Variants in CYP7B1 observed in about 807,000 individuals in gnomAD.
CYP7B1 encodes cytochrome P450 7B1.
Under a neutral mutation model 42.7 loss-of-function variants are expected in CYP7B1, and 29 were observed. That is an observed-to-expected ratio of 0.68 (90% CI 0.51 to 0.93). The LOEUF (loss-of-function observed/expected upper bound fraction) is 0.93, where lower values mean the gene tolerates loss of function less well. Ranked by LOEUF, CYP7B1 falls within the 40% of genes least tolerant of loss-of-function variation. The pLI is 0.00. For missense variants in CYP7B1, 655 were observed against 600.5 expected, an observed-to-expected ratio of 1.09 and a Z score of -0.95; for synonymous variants, 235 against 218.2, an observed-to-expected ratio of 1.08 and a Z score of -0.68.
At chr8:64,780,354 G>T (rs1045104615) in intron 1 of CYP7B1, among the ~76,000 whole-genome samples, 14 of 152,050 alleles carry the variant, frequency 9.2e-5, no homozygotes, top group African/African-American at 3.4e-4. Context: ...TAAAACTAAA[G>T]TAAAGCTTCT....
At position 64,595,182 on chromosome 8, in the gene CYP7B1, A is replaced by AAAGACACCCT. The variant is rs532098294; in HGVS notation, c.*1450_*1459dup. Among the ~76,000 whole-genome samples the AAAGACACCCT allele has an allele frequency of 8.1e-3, 1,236 of 152,332 alleles. 11 individuals carry two copies. The highest frequency in any genetic ancestry group is 0.014 in the Non-Finnish European group (930 of 68,028). ...ATCTTTCAAGAAGGAGAGTAAAAAT[A>AAAGACACCCT]AAGACACCCTAAATCAAGCAAAAAT... On this transcript the variant is annotated 3_prime_UTR_variant, in exon 6 of 6. Transcript: ENST00000310193.
At chr8:64,680,723 A>T (rs557694633) in intron 1 of CYP7B1, among the ~76,000 whole-genome samples, 5 of 152,334 alleles carry the variant, frequency 3.3e-5, no homozygotes, top group Non-Finnish European at 1.5e-5. Context: ...GATCCTGATG[A>T]TTATATGCTT....
intron 1 of CYP7B1, among the ~76,000 whole-genome samples, chr8:64,747,889 G>A (rs1807668509): frequency 6.6e-6 from 1 of 151,996 alleles, no homozygotes; most frequent in Non-Finnish European, 1.5e-5. Context: ...ACAACATAGA[G>A]CAGAAGAAAG....
At chr8:64,722,030 G>A (rs1311131331) in intron 1 of CYP7B1, among the ~76,000 whole-genome samples, 1 of 152,114 alleles carries the variant, frequency 6.6e-6, no homozygotes, top group Non-Finnish European at 1.5e-5. Context: ...CATAACAGGA[G>A]CACACAATGC....
intron 5 of CYP7B1, among the ~76,000 whole-genome samples, chr8:64,600,568 T>C (rs543096305): frequency 6.6e-6 from 1 of 152,184 alleles, no homozygotes; most frequent in African/African-American, 2.4e-5. Flanking sequence ...CTTAGCAAGA[T>C]GGCAGAGTAC....
chr8:64,649,085 G>A (rs1194969102), intron 1 of CYP7B1, among the ~76,000 whole-genome samples: 1 of 152,020 alleles, frequency 6.6e-6, no homozygotes. Flanking sequence ...TCTCTAGAAC[G>A]GTTTTCATCT....
rs1585914380 is a variant in CYP7B1, at chr8:64,786,559, C to T, written c.122+11907G>A. ...CCTTCCATGGCCTTGGGCAGCTCCA[C>T]TCCTGTGGCTTTGCAGGGTACAGCC... On this transcript the variant is annotated intron_variant, in intron 1 of 5. Transcript: ENST00000310193. Among the ~76,000 whole-genome samples the T allele has an allele frequency of 2.0e-5, 3 of 152,312 alleles. 1 individual carries two copies. The highest frequency in any genetic ancestry group is 2.0e-4 in the Admixed American group (3 of 15,300).
At chr8:64,667,017 T>C (rs1455982522) in intron 1 of CYP7B1, among the ~76,000 whole-genome samples, 21 of 152,180 alleles carry the variant, frequency 1.4e-4, no homozygotes, top group Admixed American at 1.4e-3. Flanking sequence ...CTTGGAAATA[T>C]CAGGATATTA....
At chr8:64,781,032 T>C (rs1414058525) in intron 1 of CYP7B1, among the ~76,000 whole-genome samples, 2 of 152,166 alleles carry the variant, frequency 1.3e-5, no homozygotes, top group Non-Finnish European at 2.9e-5. Context: ...CAAGACTTAC[T>C]TGTGAATCTA....
chr8:64,640,144 G>T (rs779701630), intron 1 of CYP7B1, among the ~76,000 whole-genome samples: 27 of 152,234 alleles, frequency 1.8e-4, no homozygotes, highest in Non-Finnish European at 3.1e-4. Flanking sequence ...GAGGGTAGGA[G>T]CAGGGATTAA....
At chr8:64,791,485 C>A (rs1270153035) in intron 1 of CYP7B1, among the ~76,000 whole-genome samples, 1 of 151,954 alleles carries the variant, frequency 6.6e-6, no homozygotes, top group African/African-American at 2.4e-5. Context: ...GAAATGTCAG[C>A]GTAGGAGAGA....
At chr8:64,738,779 A>T (rs909483561) in intron 1 of CYP7B1, among the ~76,000 whole-genome samples, 1 of 152,226 alleles carries the variant, frequency 6.6e-6, no homozygotes, top group East Asian at 1.9e-4. Flanking sequence ...AACCAGGCTA[A>T]TCCAAAGAGT....
In CYP7B1 at chr8:64,594,032, T is replaced by C. The variant is rs190877100; in HGVS notation, c.*2610A>G. ...ACCCTACAGAATGGAGAGGATTGGA[T>C]GGATCTGAGGATGGGACATAACAAA... On this transcript the variant is annotated 3_prime_UTR_variant, in exon 6 of 6. Transcript: ENST00000310193. Among the ~76,000 whole-genome samples, 3 of 152,040 alleles carry C rather than the reference T, an allele frequency of 2.0e-5. No individual in the cohort carries two copies. The highest frequency in any genetic ancestry group is 7.2e-5 in the African/African-American group (3 of 41,448).
intron 1 of CYP7B1, among the ~76,000 whole-genome samples, chr8:64,762,640 G>T (rs1807906673): frequency 6.6e-6 from 1 of 152,134 alleles, no homozygotes. Flanking sequence ...AGTATTATGG[G>T]CATATATTTC....
intron 4 of CYP7B1, among the ~76,000 whole-genome samples, chr8:64,605,527 C>T (rs569258773): frequency 6.6e-6 from 1 of 152,164 alleles, no homozygotes; most frequent in South Asian, 2.1e-4. Context: ...TGGCCTTCAC[C>T]TTTTACTCCT....
chr8:64,722,875 T>C (rs935443569), intron 1 of CYP7B1, among the ~76,000 whole-genome samples: 1 of 151,958 alleles, frequency 6.6e-6, no homozygotes, highest in South Asian at 2.1e-4. Context: ...TCAATCTGTC[T>C]TGTGTCTTCT....
intron 1 of CYP7B1, among the ~76,000 whole-genome samples, chr8:64,662,316 C>A (rs1294866230): frequency 6.6e-6 from 1 of 151,880 alleles, no homozygotes; most frequent in African/African-American, 2.4e-5. Context: ...TGGGTGACAG[C>A]AAGAGACCGC....
At chr8:64,695,380 T>C (rs1482377050) in intron 1 of CYP7B1, among the ~76,000 whole-genome samples, 1 of 152,072 alleles carries the variant, frequency 6.6e-6, no homozygotes, top group East Asian at 1.9e-4. Context: ...CTGCCTACAT[T>C]GGGCGGCGGG....
intron 1 of CYP7B1, among the ~76,000 whole-genome samples, chr8:64,683,119 C>A (rs981327165): frequency 6.6e-6 from 1 of 152,182 alleles, no homozygotes; most frequent in Non-Finnish European, 1.5e-5. Context: ...ATCACAGCAG[C>A]CTTTCTCTGG....
Sources: gnomAD v4.1 joint callset for allele counts (sites outside exome capture counted in the v4.1 genomes callset) on GRCh38, gnomAD v4.1.1 for gene constraint, MANE v1.5 for transcripts, NCBI Gene and HGNC (gene_info 2026-07-23, HGNC 2026-07-21) for gene names.